The following TUT7 variants were observed in gnomAD, a reference collection of about 807,000 sequenced individuals.
TUT7 encodes the protein terminal uridylyl transferase 7.
A neutral mutation model predicts 165.9 loss-of-function variants in TUT7; 33 were observed. The observed-to-expected ratio is 0.20, with a 90% confidence interval of 0.15 to 0.27. TUT7 has a LOEUF of 0.27. Among genes scored for constraint, TUT7 ranks in the 10% least tolerant of loss-of-function variants. The probability of loss-of-function intolerance (pLI) is 1.00; values close to 1 mark genes in which losing one functional copy is unlikely to be tolerated. For missense variants in TUT7, 1,338 were observed against 1,762.3 expected (o/e 0.76, Z 4.31); for synonymous variants, 552 against 608.1 (o/e 0.91, Z 1.36).
At chr9:86,350,117 G>A (rs1459817194) in intron 2 of TUT7, among the ~76,000 whole-genome samples, 2 of 152,114 alleles carry the variant, frequency 1.3e-5, no homozygotes, top group Non-Finnish European at 2.9e-5. Context: ...AGATCATGAG[G>A]TCAGGGTATC....
chr9:86,352,841 G>A lies in TUT7; in HGVS notation c.359C>T (p.Pro120Leu). ...TTGTCGGTTTATAACAGGAATTCTA[G>A]GTCCAGGTTTGAATTCTCTCCAGTT... ...SDNWREFKPG[P>L]RIPVINRQRK... is the part of the protein sequence containing the mutation. Residue 120 changes from proline to leucine, a missense_variant, in exon 2 of 27, where the codon CCT (proline) becomes CTT (leucine). Around this residue, in one of 7 missense-constraint regions of TUT7, gnomAD observed 434 missense variants for 480.8 expected, o/e 0.90. Transcript: ENST00000375963. The A allele has an allele frequency of 6.2e-7, 1 of 1,614,142 alleles. No homozygotes were observed. Among genetic ancestry groups the A allele is most frequent in the Non-Finnish European group, 8.5e-7 (1 of 1,180,022 alleles).
At chr9:86,307,647 A>G (rs183616976) in intron 22 of TUT7, among the ~76,000 whole-genome samples, 138 of 152,346 alleles carry the variant, frequency 9.1e-4, no homozygotes, top group Admixed American at 4.0e-3. Flanking sequence ...AATTGGAAAT[A>G]AACAATCAAC....
intron 20 of TUT7, 37 bp downstream of exon 20, chr9:86,309,426 T>C: frequency 6.4e-7 from 1 of 1,558,548 alleles, no homozygotes. Context: ...AGATCACCAG[T>C]TTTCCAGATA....
chr9:86,328,493 C>A lies in TUT7; in HGVS notation c.1456-1G>T. 6.3e-7 allele frequency: 1 copy of A among 1,598,044 alleles called. No homozygotes were observed. Among genetic ancestry groups the A allele is most frequent in the African/African-American group, 1.4e-5 (1 of 74,044 alleles). On this transcript the variant is annotated splice_acceptor_variant, in intron 10 of 26. Transcript: ENST00000375963. LOFTEE classifies it high-confidence loss of function. ...GTTTGCTTAATGAGAATCCTTCAAT[C>A]TAGGAAAAATTAGACACATGCTAAA... is the stretch of plus-strand genomic sequence containing the variant.
chr9:86,323,415 G>C lies in TUT7; in HGVS notation c.2335C>G (p.Arg779Gly). The C allele has an allele frequency of 6.2e-7, 1 of 1,614,134 alleles. No individual in the cohort carries two copies. The highest frequency in any genetic ancestry group is 8.5e-7 in the Non-Finnish European group (1 of 1,180,032). ...AAAGTGCTCTCTGACTCATTATTAC[G>C]TGTGCTGCCACAGACAACATGCTCT... Reference protein sequence around the residue: ...RGEHVVCGSTRNNESESTLDL... With the variant: ...RGEHVVCGSTGNNESESTLDL... The change falls in exon 13 of 27, where the codon CGT becomes GGT. Residue 779 changes from arginine (R) to glycine (G), a missense_variant. Arg to Gly is a moderately radical substitution (Grantham distance 125). Around this residue, in one of 7 missense-constraint regions of TUT7, gnomAD observed 425 missense variants for 474.9 expected, o/e 0.89. Coordinates refer to ENST00000375963, the MANE Select transcript of TUT7 (RefSeq NM_024617.4).
chr9:86,305,380 AAAG>A (rs1827369934), intron 22 of TUT7, 141 bp from the exon 23 acceptor site: 5 of 604,262 alleles, frequency 8.3e-6, no homozygotes, highest in South Asian at 4.8e-5. Context: ...ACATGATAGA[AAAG>A]AAGTGCAAAA....
intron 10 of TUT7, among the ~76,000 whole-genome samples, chr9:86,334,372 C>T (rs935799942): frequency 6.6e-6 from 1 of 152,152 alleles, no homozygotes; most frequent in Non-Finnish European, 1.5e-5. Context: ...CTGAGGAAGC[C>T]CTCCTAAGAA....
At chr9:86,299,897 T>C (rs1826722782) in intron 26 of TUT7, among the ~76,000 whole-genome samples, 1 of 152,232 alleles carries the variant, frequency 6.6e-6, no homozygotes, top group Non-Finnish European at 1.5e-5. Context: ...ATTTAAAAGT[T>C]ATCTATACTA....
intron 26 of TUT7, 57 bp from the exon 27 acceptor site, chr9:86,288,801 C>CA: frequency 2.1e-6 from 3 of 1,403,542 alleles, no homozygotes; most frequent in African/African-American, 2.9e-5. Flanking sequence ...CGCTTTATGA[C>CA]AAAAGCCATA....
In TUT7 at chr9:86,338,508, G is replaced by A. The variant is rs1351486409; in HGVS notation, c.1335+315C>T. Among the ~76,000 whole-genome samples the A allele has an allele frequency of 2.0e-5, 3 of 152,078 alleles. No individual in the cohort carries two copies. The East Asian group carries it at 5.8e-4, about 29-fold the overall frequency. ...ATGATATGAGAAGCTTTATCTCAACGTTCCTGTGCCTAACAACCACTGTGG... is the reference window on the plus strand; with the variant it reads ...ATGATATGAGAAGCTTTATCTCAACATTCCTGTGCCTAACAACCACTGTGG... On this transcript the variant is annotated intron_variant, in intron 9 of 26. Coordinates refer to ENST00000375963, the MANE Select transcript of TUT7 (RefSeq NM_024617.4).
chr9:86,310,569 CA>C (rs1167829527), intron 18 of TUT7, 136 bp downstream of exon 18: 2 of 605,526 alleles, frequency 3.3e-6, no homozygotes, highest in Non-Finnish European at 5.9e-6. Context: ...CTGCCAGGTT[CA>C]CAGCAAGTAA....
intron 22 of TUT7, 149 bp downstream of exon 22, chr9:86,308,280 G>T: frequency 1.7e-6 from 1 of 603,848 alleles, no homozygotes; most frequent in Non-Finnish European, 2.6e-6. Flanking sequence ...TCTTAAGGCT[G>T]GAAAGAGAAA....
chr9:86,319,559 T>G, intron 15 of TUT7, 25 bp downstream of exon 15: 1 of 1,518,150 alleles, frequency 6.6e-7, no homozygotes, highest in Non-Finnish European at 9.0e-7. Context: ...CTACTTTTCT[T>G]AAAAATAAAA....
At chr9:86,313,404 G>A (rs1828406129) in intron 17 of TUT7, among the ~76,000 whole-genome samples, 1 of 152,084 alleles carries the variant, frequency 6.6e-6, no homozygotes, top group Admixed American at 6.5e-5. Flanking sequence ...GGAAGCTAGG[G>A]GTAGTAAGAG....
intron 26 of TUT7, among the ~76,000 whole-genome samples, chr9:86,299,779 G>A (rs544671663): frequency 6.6e-6 from 1 of 152,162 alleles, no homozygotes; most frequent in East Asian, 1.9e-4. Context: ...TCAAAGCTGG[G>A]GCAAATTCTC....
In TUT7 at chr9:86,288,490, G is replaced by A. The variant is rs769633910; in HGVS notation, c.*187C>T. 2.3e-6 allele frequency: 1 copy of A among 436,880 alleles called. No homozygotes were observed. The highest frequency in any genetic ancestry group is 2.0e-5 in the African/African-American group (1 of 50,820). The allele number at this position is 436,880 out of a possible 1,614,324, so 27.1% of individuals were successfully genotyped here. A position where few individuals can be genotyped will look rare whatever the true frequency, so the allele number is the denominator to read the frequency against. On this transcript the variant is annotated 3_prime_UTR_variant, in exon 27 of 27. Transcript: ENST00000375963. ...ATCCTTAAATCTATGGGGATGTGTGGTAGATAAGACTATATTAAAAATTTT... is the reference window on the plus strand; with the variant it reads ...ATCCTTAAATCTATGGGGATGTGTGATAGATAAGACTATATTAAAAATTTT...
chr9:86,300,404 A>C (rs1826769652), intron 26 of TUT7, among the ~76,000 whole-genome samples: 1 of 152,238 alleles, frequency 6.6e-6, no homozygotes, highest in Non-Finnish European at 1.5e-5. Context: ...ACAAACATAT[A>C]TATACAACTG....
At chr9:86,336,178 A>G (rs1346367681) in intron 10 of TUT7, among the ~76,000 whole-genome samples, 1 of 152,168 alleles carries the variant, frequency 6.6e-6, no homozygotes, top group Non-Finnish European at 1.5e-5. Flanking sequence ...TAGGTGCAGG[A>G]GTCCACCTGA....
chr9:86,297,730 G>T (rs941824518), intron 26 of TUT7, among the ~76,000 whole-genome samples: 4 of 152,052 alleles, frequency 2.6e-5, no homozygotes, highest in African/African-American at 9.6e-5. Context: ...GAGCCATAAT[G>T]AACCTTTTAA....
Sources: gnomAD v4.1 joint callset for allele counts (sites outside exome capture counted in the v4.1 genomes callset) on GRCh38, gnomAD v4.1.1 for gene constraint, gnomAD v4.1.1 regional missense constraint, MANE v1.5 for transcripts, NCBI Gene and HGNC (gene_info 2026-07-23, HGNC 2026-07-21) for gene names.